VAMP7: variants seen among roughly 807,000 people sequenced by gnomAD.
The protein encoded by VAMP7 is vesicle associated membrane protein 7, also known as vesicle-associated membrane protein 7.
VAMP7 carries 14 observed loss-of-function variants against 29.6 expected under a neutral mutation model. That is an observed-to-expected ratio of 0.47 (90% CI 0.31 to 0.74). The LOEUF (loss-of-function observed/expected upper bound fraction) is 0.74. VAMP7 is among the 30% of genes least tolerant of loss of function. The pLI, the probability that VAMP7 is intolerant of heterozygous loss-of-function variation, is 0.05. For synonymous variants in VAMP7, 95 were observed against 88.1 expected, an observed-to-expected ratio of 1.08 and a Z score of -0.44; for missense variants, 223 against 262.4, an observed-to-expected ratio of 0.85 and a Z score of 1.04.
At chrX:155,931,920 C>A (rs376015470) in intron 6 of VAMP7, among the ~76,000 whole-genome samples, 4 of 152,056 alleles carry the variant, frequency 2.6e-5, no homozygotes, top group African/African-American at 9.7e-5. Context: ...TCAGCTTTCT[C>A]CATATGGCTA....
intron 1 of VAMP7, among the ~76,000 whole-genome samples, chrX:155,883,616 T>C (rs1464405817): frequency 6.6e-6 from 1 of 152,150 alleles, no homozygotes; most frequent in Non-Finnish European, 1.5e-5. Context: ...ATGTAATGAG[T>C]TAATTCTACT....
rs755283702 is a variant in VAMP7 at position 155,889,603 on chromosome X, C to T, written c.137C>T (p.Ser46Leu). Residue 46 changes from serine (S) to leucine (L), a missense_variant, in exon 2 of 8, where the codon TCA (serine) becomes TTA (leucine). By Grantham distance (145) the Ser-to-Leu change is moderately radical. Coordinates refer to ENST00000286448, the MANE Select transcript of VAMP7 (RefSeq NM_005638.6). ...TCTGAAAATAACAAACTAACGTACT[C>T]ACATGGCAAGTGAGTTCTGTTCTGC... ...IPSENNKLTYSHGNYLFHYIC... is the reference protein window; with the variant it reads ...IPSENNKLTYLHGNYLFHYIC... The T allele has an allele frequency of 6.2e-7, 1 of 1,613,754 alleles. No individual in the cohort carries two copies. Among genetic ancestry groups the T allele is most frequent in the Admixed American group, 1.7e-5 (1 of 60,000 alleles).
At chrX:155,900,111 C>A (rs1384956456) in intron 4 of VAMP7, among the ~76,000 whole-genome samples, 1 of 151,964 alleles carries the variant, frequency 6.6e-6, no homozygotes, top group Non-Finnish European at 1.5e-5. Context: ...AAGTGGGGAA[C>A]AATTTTGCAG....
chrX:155,939,152 T>G (rs2066706715), intron 6 of VAMP7, among the ~76,000 whole-genome samples: 1 of 152,158 alleles, frequency 6.6e-6, no homozygotes. Context: ...GTTTGCCATT[T>G]TGTTTTAAAC....
chrX:155,912,176 G>A (rs1237717485), intron 5 of VAMP7, among the ~76,000 whole-genome samples: 1 of 151,888 alleles, frequency 6.6e-6, no homozygotes, highest in Non-Finnish European at 1.5e-5. Context: ...CTAGTTTTTT[G>A]AGAGTTTTTA....
chrX:155,905,763 A>T (rs896298873), intron 5 of VAMP7, among the ~76,000 whole-genome samples: 1 of 152,132 alleles, frequency 6.6e-6, no homozygotes, highest in Non-Finnish European at 1.5e-5. Flanking sequence ...GTTTATCTTT[A>T]TGCCAGTACC....
intron 6 of VAMP7, among the ~76,000 whole-genome samples, chrX:155,938,434 G>A (rs1415332472): frequency 7.2e-5 from 11 of 152,044 alleles, no homozygotes; most frequent in African/African-American, 2.7e-4. Context: ...TTAAGGGAGT[G>A]GATTTTTTAA....
intron 1 of VAMP7, among the ~76,000 whole-genome samples, chrX:155,882,407 A>T (rs2065813326): frequency 6.6e-6 from 1 of 152,200 alleles, no homozygotes; most frequent in Non-Finnish European, 1.5e-5. Flanking sequence ...AAAGGATGGG[A>T]TCCTATCCTA....
chrX:155,889,207 GGTGT>G (rs937215050), intron 1 of VAMP7, among the ~76,000 whole-genome samples: 10 of 151,008 alleles, frequency 6.6e-5, no homozygotes, highest in African/African-American at 1.9e-4. Flanking sequence ...AGCTATCAAT[GGTGT>G]GTGTGTGTGT....
chrX:155,883,311 G>A (rs1308981808), intron 1 of VAMP7, among the ~76,000 whole-genome samples: 1 of 152,092 alleles, frequency 6.6e-6, no homozygotes, highest in Non-Finnish European at 1.5e-5. Flanking sequence ...GCTAGCTTAT[G>A]TACCTTCTTT....
intron 4 of VAMP7, 84 bp downstream of exon 4, chrX:155,898,333 T>C: frequency 6.7e-7 from 1 of 1,490,770 alleles, no homozygotes; most frequent in East Asian, 2.3e-5. Context: ...GGCCCTGACC[T>C]GCAATATAGT....
At chrX:155,938,913 TGTA>T (rs1303026951) in intron 6 of VAMP7, among the ~76,000 whole-genome samples, 5 of 152,232 alleles carry the variant, frequency 3.3e-5, no homozygotes, top group East Asian at 1.9e-4. Flanking sequence ...ATTGTATAAA[TGTA>T]GTAGTAGATT....
rs781301724 is a variant in VAMP7 at position 155,933,395 on chromosome X, T to C, written c.502-6306T>C. 7.9e-3 allele frequency among the ~76,000 whole-genome samples: 1,203 copies of C among 152,312 alleles called. 5 individuals are homozygous for C. Among genetic ancestry groups the C allele is most frequent in the Non-Finnish European group, 8.6e-3 (584 of 68,022 alleles). ...TCAATTTCAGAGCCTGTTATTGGTC[T>C]ATTCAGAGATTCAACTTCTTCCTGG... On this transcript the variant is annotated intron_variant, in intron 6 of 7. Transcript: ENST00000286448.
intron 6 of VAMP7, among the ~76,000 whole-genome samples, chrX:155,929,751 T>G (rs2066520850): frequency 6.6e-6 from 1 of 152,114 alleles, no homozygotes; most frequent in African/African-American, 2.4e-5. Flanking sequence ...CCAAATTGAT[T>G]GGCAACACAG....
At chrX:155,936,750 C>T (rs1397921458) in intron 6 of VAMP7, among the ~76,000 whole-genome samples, 1 of 152,180 alleles carries the variant, frequency 6.6e-6, no homozygotes, top group East Asian at 1.9e-4. Flanking sequence ...GTTGGAAATG[C>T]AGAAATCATC....
At chrX:155,935,996 C>T (rs1003719860) in intron 6 of VAMP7, among the ~76,000 whole-genome samples, 3 of 152,088 alleles carry the variant, frequency 2.0e-5, no homozygotes, top group Non-Finnish European at 2.9e-5. Context: ...GTATCAGCAG[C>T]GGAGGCTGCA....
At position 155,941,808 on chromosome X, in the gene VAMP7, C is replaced by T. The variant is rs182424380; in HGVS notation, c.595-75C>T. On this transcript the variant is annotated intron_variant, in intron 7 of 7. Transcript: ENST00000286448. ...ATCAGAAGTATTTCTTAATAAGGCT[C>T]TACTTTCCTATATATATTATTTAGA... 1.7e-4 allele frequency: 250 copies of T among 1,470,160 alleles called. No homozygotes were observed. The African/African-American group carries it at 3.0e-3, about 18-fold the overall frequency. 91.1% of individuals were successfully genotyped at this position (1,470,160 alleles called of 1,614,324 possible).
intron 5 of VAMP7, among the ~76,000 whole-genome samples, chrX:155,912,884 G>A (rs2066258035): frequency 6.6e-6 from 1 of 152,134 alleles, no homozygotes; most frequent in African/African-American, 2.4e-5. Context: ...CCAATAATGG[G>A]ATTGCTGGGT....
intron 5 of VAMP7, among the ~76,000 whole-genome samples, chrX:155,907,984 C>G (rs184331693): frequency 0.047 from 7,196 of 152,102 alleles, 249 homozygotes; most frequent in South Asian, 0.14. Flanking sequence ...AGACGCTCCT[C>G]ACTTCCTAGA....
Sources: gnomAD v4.1 joint callset for allele counts (sites outside exome capture counted in the v4.1 genomes callset) on GRCh38, gnomAD v4.1.1 for gene constraint, MANE v1.5 for transcripts, NCBI Gene and HGNC (gene_info 2026-07-23, HGNC 2026-07-21) for gene names.